MGAT4C: variants seen among roughly 807,000 people sequenced by gnomAD.
MGAT4C encodes MGAT4 family member C, also known as alpha-1,3-mannosyl-glycoprotein 4-beta-N-acetylglucosaminyltransferase C.
MGAT4C carries 19 observed loss-of-function variants against 40.1 expected under a neutral mutation model. That is an observed-to-expected ratio of 0.47 (90% CI 0.33 to 0.70). The LOEUF (loss-of-function observed/expected upper bound fraction) is 0.70. MGAT4C is among the 30% of genes least tolerant of loss of function. MGAT4C has a pLI of 0.02. For synonymous variants in MGAT4C, 181 were observed against 187.1 expected (o/e 0.97, Z 0.27); for missense variants, 491 against 563.2 (o/e 0.87, Z 1.30).
At chr12:86,513,642 T>C (rs926236005) in intron 2 of MGAT4C, among the ~76,000 whole-genome samples, 1 of 152,148 alleles carries the variant, frequency 6.6e-6, no homozygotes, top group African/African-American at 2.4e-5. Flanking sequence ...AAAATGAACC[T>C]AGGGTGGTAT....
chr12:86,837,864 G>A (rs976991527), intron 1 of MGAT4C, among the ~76,000 whole-genome samples: 1 of 152,218 alleles, frequency 6.6e-6, no homozygotes, highest in African/African-American at 2.4e-5. Flanking sequence ...GCTGTTCTAA[G>A]ATATCATAAG....
In MGAT4C at chr12:86,773,992, C is replaced by T. The variant is rs117480693; in HGVS notation, c.-261-46751G>A. ...TTTTTGAGTGGGAGTCTCACTTTGT[C>T]ACCCAGGCTGGAATACACTGGCATG... On this transcript the variant is annotated intron_variant, in intron 1 of 7. Coordinates refer to the MGAT4C transcript ENST00000548651. Among the ~76,000 whole-genome samples, 753 of 120,002 alleles carry T rather than the reference C, an allele frequency of 6.3e-3. 3 individuals are homozygous for T. The highest frequency in any genetic ancestry group is 9.3e-3 in the Non-Finnish European group (568 of 61,368). 78.7% of individuals were successfully genotyped at this position (120,002 alleles called of 152,430 possible).
rs184221471 is a variant in MGAT4C at position 86,490,942 on chromosome 12, A to C, written c.-228-55677T>G. On this transcript the variant is annotated intron_variant, in intron 2 of 7. Coordinates refer to the MGAT4C transcript ENST00000548651. ...TCCTGAGTGACCTACAAAGAGACTT[A>C]GACTCCCACACAATAATAATGGGAG... Among the ~76,000 whole-genome samples the C allele has an allele frequency of 1.8e-3, 267 of 152,292 alleles. 2 individuals carry two copies. The highest frequency in any genetic ancestry group is 6.1e-3 in the African/African-American group (253 of 41,562).
At chr12:86,569,963 A>G (rs987376672) in intron 2 of MGAT4C, among the ~76,000 whole-genome samples, 2 of 152,130 alleles carry the variant, frequency 1.3e-5, no homozygotes, top group African/African-American at 4.8e-5. Flanking sequence ...AAAGATAAAT[A>G]CATTATCTCA....
chr12:86,703,082 T>C (rs1950392008), intron 2 of MGAT4C, among the ~76,000 whole-genome samples: 1 of 152,054 alleles, frequency 6.6e-6, no homozygotes, highest in African/African-American at 2.4e-5. Context: ...GTGGTAAAAA[T>C]GGCAAGGGAA....
chr12:86,677,375 T>A (rs1949886603), intron 2 of MGAT4C, among the ~76,000 whole-genome samples: 2 of 152,128 alleles, frequency 1.3e-5, no homozygotes. Flanking sequence ...TGGTAACATT[T>A]CAACCAATGG....
intron 2 of MGAT4C, among the ~76,000 whole-genome samples, chr12:86,688,208 C>T (rs1950110624): frequency 7.6e-6 from 1 of 131,772 alleles, no homozygotes; most frequent in African/African-American, 2.9e-5. Context: ...GTAAATATTC[C>T]TCCATCCCTT....
At chr12:86,251,144 T>G (rs1952259079) in intron 1 of MGAT4C, among the ~76,000 whole-genome samples, 1 of 151,480 alleles carries the variant, frequency 6.6e-6, no homozygotes, top group Admixed American at 6.6e-5. Flanking sequence ...TTTTTTTTTT[T>G]TTTTTATTAT....
intron 2 of MGAT4C, among the ~76,000 whole-genome samples, chr12:86,507,007 T>G (rs1958483213): frequency 6.6e-6 from 1 of 152,170 alleles, no homozygotes; most frequent in Admixed American, 6.6e-5. Context: ...CTTGGGAGAC[T>G]GAGAATTAGA....
intron 2 of MGAT4C, among the ~76,000 whole-genome samples, chr12:86,487,044 C>T (rs531295392): frequency 6.6e-6 from 1 of 152,146 alleles, no homozygotes; most frequent in African/African-American, 2.4e-5. Flanking sequence ...AAGTTCCAAT[C>T]GTTTTAATTT....
intron 1 of MGAT4C, among the ~76,000 whole-genome samples, chr12:86,070,072 T>C (rs903254093): frequency 2.6e-5 from 4 of 151,448 alleles, no homozygotes; most frequent in African/African-American, 9.8e-5. Flanking sequence ...GGTCCCGATG[T>C]AGGAACTTTG....
intron 1 of MGAT4C, among the ~76,000 whole-genome samples, chr12:86,807,845 T>C (rs1332651726): frequency 6.6e-6 from 1 of 152,126 alleles, no homozygotes; most frequent in Non-Finnish European, 1.5e-5. Flanking sequence ...TGGTATCTCA[T>C]TGTGATTTTG....
chr12:85,983,798 C>A, intron 3 of MGAT4C, 128 bp from the exon 4 acceptor site: 1 of 688,250 alleles, frequency 1.5e-6, no homozygotes, highest in East Asian at 3.2e-5. Context: ...TAAATCTCAA[C>A]TACTGACGTC....
chr12:86,788,815 T>A (rs1951976702), intron 1 of MGAT4C, among the ~76,000 whole-genome samples: 1 of 152,150 alleles, frequency 6.6e-6, no homozygotes, highest in Non-Finnish European at 1.5e-5. Context: ...TGCTGTGCTA[T>A]CTTTTGAAGG....
rs372541042 is a variant in MGAT4C, at chr12:86,261,507, AC to A, written c.-57+72557del. 2.4e-3 allele frequency among the ~76,000 whole-genome samples: 358 copies of A among 152,248 alleles called. 1 individual carries two copies. The highest frequency in any genetic ancestry group is 7.9e-3 in the African/African-American group (327 of 41,580). On this transcript the variant is annotated intron_variant, in intron 4 of 7. Coordinates refer to the MGAT4C transcript ENST00000548651. The stretch of plus-strand genomic sequence containing the variant: ...GTTCCTCATTTGAATTAGTAAAAAA[AC>A]ATCAGCAAGCTATTAGAAGCAATTT...
At chr12:86,683,731 GT>G (rs1950023539) in intron 2 of MGAT4C, among the ~76,000 whole-genome samples, 1 of 151,968 alleles carries the variant, frequency 6.6e-6, no homozygotes, top group East Asian at 1.9e-4. Context: ...TTCTCCCCAC[GT>G]TTTTTTCTCC....
At chr12:86,324,310 T>C (rs1329426840) in intron 4 of MGAT4C, among the ~76,000 whole-genome samples, 1 of 151,998 alleles carries the variant, frequency 6.6e-6, no homozygotes, top group Non-Finnish European at 1.5e-5. Flanking sequence ...TTATGTTGTA[T>C]TAGTGACCAC....
rs1883920730 is a variant in MGAT4C at position 85,975,668 on chromosome 12, T to G, written c.*3621A>C. On this transcript the variant is annotated 3_prime_UTR_variant, in exon 5 of 5. Coordinates refer to ENST00000611864, the MANE Select transcript of MGAT4C (RefSeq NM_001351288.2). The stretch of plus-strand genomic sequence containing the variant: ...GACGTGGAATGACAGAAGCAAGATC[T>G]AGAAAGTTTGGGATCATGAATCAAA... The G allele has an allele frequency of 6.6e-6, 1 of 150,892 alleles. No individual in the cohort carries two copies. Among genetic ancestry groups the G allele is most frequent in the Non-Finnish European group, 1.5e-5 (1 of 67,104 alleles). 9.3% of individuals were successfully genotyped at this position (150,892 alleles called of 1,614,324 possible).
intron 1 of MGAT4C, among the ~76,000 whole-genome samples, chr12:86,104,744 C>T (rs1007359784): frequency 1.3e-5 from 2 of 152,228 alleles, no homozygotes; most frequent in South Asian, 4.1e-4. Flanking sequence ...AGTATGTTTT[C>T]TGAATTGAAA....
Sources: gnomAD v4.1 joint callset for allele counts (sites outside exome capture counted in the v4.1 genomes callset) on GRCh38, gnomAD v4.1.1 for gene constraint, MANE v1.5 for transcripts, NCBI Gene and HGNC (gene_info 2026-07-23, HGNC 2026-07-21) for gene names.